Variants in SLC66A1 observed in about 807,000 individuals in gnomAD.
SLC66A1 encodes the protein lysosomal amino acid transporter 1 homolog.
A neutral mutation model predicts 33.0 loss-of-function variants in SLC66A1; 23 were observed. The ratio of observed to expected loss-of-function variants is 0.70; its 90% CI spans 0.50 to 0.99. SLC66A1 has a LOEUF of 0.99. Ranked by LOEUF, SLC66A1 falls within the 50% of genes least tolerant of loss-of-function variation. The pLI is 0.00. For missense variants in SLC66A1, 335 were observed against 383.6 expected (o/e 0.87, Z 1.06); for synonymous variants, 164 against 175.5 (o/e 0.93, Z 0.52).
chr1:19,322,244 A>C (rs1009066466), intron 2 of SLC66A1, among the ~76,000 whole-genome samples: 1 of 152,188 alleles, frequency 6.6e-6, no homozygotes, highest in East Asian at 1.9e-4. Flanking sequence ...CTCCCTGTCC[A>C]GGGGTGAGAG....
intron 2 of SLC66A1, among the ~76,000 whole-genome samples, chr1:19,319,605 G>GTTTTTTTTTTTGTTTTTTTTTTTGTTT (rs2093823549): frequency 8.9e-6 from 1 of 111,868 alleles, no homozygotes; most frequent in African/African-American, 4.0e-5. Context: ...GCACATTCAT[G>GTTTTTTTTTTTGTTTTTTTTTTTGTTT]TTTTTTTTTT....
chr1:19,321,937 C>G (rs756546506), intron 2 of SLC66A1, among the ~76,000 whole-genome samples: 1 of 152,218 alleles, frequency 6.6e-6, no homozygotes, highest in Admixed American at 6.5e-5. Context: ...GGCACCCTAT[C>G]AGAGGCTTGA....
At chr1:19,330,077 C>G (rs578168685), downstream of SLC66A1, among the ~76,000 whole-genome samples, 4 of 152,304 alleles carry the variant, frequency 2.6e-5, no homozygotes, top group African/African-American at 9.6e-5. Flanking sequence ...CAGGGATCCT[C>G]CCACTCAGCC....
At chr1:19,314,018 A>G (rs374030272) in intron 1 of SLC66A1, among the ~76,000 whole-genome samples, 29 of 152,336 alleles carry the variant, frequency 1.9e-4, no homozygotes, top group African/African-American at 7.0e-4. Context: ...TCCAAGGGTG[A>G]TTCCAGGGTA....
chr1:19,326,581 C>T lies in SLC66A1; in HGVS notation c.576C>T (p.Ser192=), dbSNP rs1330738602. Residue 192 remains serine (S), a synonymous_variant, in exon 6 of 8, where the codon AGC becomes AGT. Transcript: ENST00000375153. ...GCTTCGTCATCGGCTCCATCTCCAG[C>T]GTGTTGTACCTGCTTTCCCGGCTGC... The part of the protein sequence containing the change: ...VIGFVIGSIS[S]VLYLLSRLPQ... 1.1e-5 allele frequency: 17 copies of T among 1,614,116 alleles called. No homozygotes were observed. The highest frequency in any genetic ancestry group is 3.3e-4 in the Middle Eastern group (2 of 6,084).
At chr1:19,324,577 C>T (rs946504025) in intron 2 of SLC66A1, 56 bp from the exon 3 acceptor site, 69 of 1,603,444 alleles carry the variant, frequency 4.3e-5, no homozygotes, top group South Asian at 6.7e-5. Flanking sequence ...CCCTATAAGG[C>T]GGCATCCCCT....
At position 19,315,739 on chromosome 1, in the gene SLC66A1, C is replaced by CCT. The variant is rs374804532; in HGVS notation, c.-78-1849_-78-1848dup. ...GTCTCTCTCTCTCCCTCCCTCTCTC[C>CCT]CTCTCTCTCTCTCGAGCCACAGAAG... On this transcript the variant is annotated intron_variant, in intron 1 of 7. Transcript: ENST00000375153. Among the ~76,000 whole-genome samples the CCT allele has an allele frequency of 2.0e-5, 3 of 151,668 alleles. No individual in the cohort carries two copies. In the South Asian group the frequency reaches 6.2e-4, roughly 32 times the overall value.
At chr1:19,332,230 A>C (rs2093894551), downstream of SLC66A1, among the ~76,000 whole-genome samples, 1 of 152,190 alleles carries the variant, frequency 6.6e-6, no homozygotes, top group Non-Finnish European at 1.5e-5. Context: ...TGTCCTGCAC[A>C]CTGAGCTCCA....
At chr1:19,320,730 T>C (rs76381924) in intron 2 of SLC66A1, among the ~76,000 whole-genome samples, 1 of 144,522 alleles carries the variant, frequency 6.9e-6, no homozygotes, top group African/African-American at 2.9e-5. Flanking sequence ...TCTTTTTTTT[T>C]GAGACGTAGT....
At chr1:19,326,857 G>A (rs534186312) in intron 6 of SLC66A1, among the ~76,000 whole-genome samples, 3 of 152,252 alleles carry the variant, frequency 2.0e-5, no homozygotes, top group Non-Finnish European at 2.9e-5. Flanking sequence ...GTGTGTCTTG[G>A]GGGAGTGGGA....
In SLC66A1 at chr1:19,316,689, C is replaced by T. The variant is rs141947133; in HGVS notation, c.-78-911C>T. Among the ~76,000 whole-genome samples, 152 of 151,900 alleles carry T rather than the reference C, an allele frequency of 1.0e-3. 1 individual carries two copies. Among genetic ancestry groups the T allele is most frequent in the African/African-American group, 3.6e-3 (150 of 41,396 alleles). On this transcript the variant is annotated intron_variant, in intron 1 of 7. Transcript: ENST00000375153. ...CCCTTATTTTGTTGTTGTTTTGACA[C>T]AGGGTCTTGCTCTGTCATCCAGGCT...
At chr1:19,326,939 A>T (rs1569800398) in intron 6 of SLC66A1, among the ~76,000 whole-genome samples, 1 of 150,754 alleles carries the variant, frequency 6.6e-6, no homozygotes, top group African/African-American at 2.5e-5. Context: ...CGGGGAGGGG[A>T]GGCTTGCTGG....
chr1:19,313,532 G>A (rs986179694), intron 1 of SLC66A1, among the ~76,000 whole-genome samples: 5 of 152,234 alleles, frequency 3.3e-5, no homozygotes, highest in African/African-American at 9.6e-5. Context: ...AAGGGGAGAG[G>A]AGGAGGTGGA....
intron 2 of SLC66A1, among the ~76,000 whole-genome samples, chr1:19,323,442 T>C (rs1403317968): frequency 6.6e-6 from 1 of 152,178 alleles, no homozygotes; most frequent in Non-Finnish European, 1.5e-5. Flanking sequence ...GGTCTTGCTC[T>C]GTTGCCCAGG....
chr1:19,313,347 T>C (rs2093787587), intron 1 of SLC66A1: 8 of 685,444 alleles, frequency 1.2e-5, no homozygotes, highest in Non-Finnish European at 1.4e-5. Context: ...TCCTCTCTTC[T>C]TCACTCTGTC....
chr1:19,313,434 TAAG>T (rs1569718335), intron 1 of SLC66A1, among the ~76,000 whole-genome samples: 1 of 152,214 alleles, frequency 6.6e-6, no homozygotes, highest in African/African-American at 2.4e-5. Context: ...ACCTGGAGAA[TAAG>T]AAATGCACAA....
intron 1 of SLC66A1, chr1:19,313,232 C>A (rs1240054904): frequency 1.0e-6 from 1 of 985,414 alleles, no homozygotes; most frequent in Non-Finnish European, 1.2e-6. Flanking sequence ...TTCCAGAGTG[C>A]TTTTCTCCTC....
At chr1:19,316,353 T>TTGTGTGTGTGTGTGTGTG (rs36226389) in intron 1 of SLC66A1, among the ~76,000 whole-genome samples, 3 of 144,918 alleles carry the variant, frequency 2.1e-5, no homozygotes, top group African/African-American at 5.1e-5. Context: ...TCTTTATGGT[T>TTGTGTGTGTGTGTGTGTG]TGTGTGTGTG....
chr1:19,328,884 C>T lies in SLC66A1; in HGVS notation c.*241C>T. 1 of 580,392 alleles carries T rather than the reference C, an allele frequency of 1.7e-6. No individual in the cohort carries two copies. Among genetic ancestry groups the T allele is most frequent in the Non-Finnish European group, 3.1e-6 (1 of 324,576 alleles). The allele number at this position is 580,392 out of a possible 1,614,324, so 36.0% of individuals were successfully genotyped here. ...ACAGTGAGGCTGCCCCTCCTACCAC[C>T]TACCTCATTCTGCCTACTCACCCCA... On this transcript the variant is annotated 3_prime_UTR_variant, in exon 8 of 8. Coordinates refer to ENST00000375153, the MANE Select transcript of SLC66A1 (RefSeq NM_001040125.2). This position sits in a 1 kb window ranked among gnomAD's most constrained non-coding sequence, Gnocchi z 4.7.
Sources: allele counts gnomAD v4.1 joint callset (sites outside exome capture counted in the v4.1 genomes callset), GRCh38; gene constraint gnomAD v4.1.1; non-coding constraint Gnocchi (gnomAD v3.1); transcripts MANE v1.5; gene names NCBI Gene and HGNC (gene_info 2026-07-23, HGNC 2026-07-21).